The following PPM1H variants were observed in gnomAD, a reference collection of about 807,000 sequenced individuals.
PPM1H encodes protein phosphatase 1H.
In PPM1H, 27 loss-of-function variants were observed where a neutral mutation model predicts 54.9. The observed-to-expected ratio is 0.49, with a 90% CI of 0.36 to 0.68. The LOEUF (loss-of-function observed/expected upper bound fraction) is 0.68. Ranked by LOEUF, PPM1H falls within the 30% of genes least tolerant of loss-of-function variation. The pLI is 0.00. For synonymous variants in PPM1H, 305 were observed against 270.8 expected (o/e 1.13, Z -1.24); for missense variants, 596 against 667.8 (o/e 0.89, Z 1.19).
chr12:62,900,716 A>G (rs1436729778), intron 1 of PPM1H, among the ~76,000 whole-genome samples: 1 of 151,966 alleles, frequency 6.6e-6, no homozygotes, highest in Non-Finnish European at 1.5e-5. Flanking sequence ...CCTAATCCAC[A>G]TACTAATTCC....
At position 62,644,054 on chromosome 12, in the gene PPM1H, T is replaced by G. The variant is rs1224935540; in HGVS notation, c.*4435A>C. On this transcript the variant is annotated 3_prime_UTR_variant, in exon 10 of 10. Transcript: ENST00000228705. ...AATGTCATTGAACATATACATTTCTTTAGCTTTTTCCAGGGGACATTGCAC... is the reference window on the plus strand; with the variant it reads ...AATGTCATTGAACATATACATTTCTGTAGCTTTTTCCAGGGGACATTGCAC... 6.6e-6 allele frequency: 1 copy of G among 152,192 alleles called. No homozygotes were observed. The highest frequency in any genetic ancestry group is 1.5e-5 in the Non-Finnish European group (1 of 68,036). 9.4% of individuals were successfully genotyped at this position (152,192 alleles called of 1,614,324 possible). A position where few individuals can be genotyped will look rare whatever the true frequency, so the allele number is the denominator to read the frequency against.
chr12:62,709,065 A>G (rs1477770420), intron 6 of PPM1H, among the ~76,000 whole-genome samples: 2 of 152,102 alleles, frequency 1.3e-5, no homozygotes, highest in Admixed American at 6.6e-5. Context: ...GCTGACTCCA[A>G]TGTAATTACC....
At chr12:62,689,193 G>A (rs1277381545) in intron 8 of PPM1H, among the ~76,000 whole-genome samples, 1 of 152,212 alleles carries the variant, frequency 6.6e-6, no homozygotes, top group Non-Finnish European at 1.5e-5. Context: ...TTGGAGTTGG[G>A]GAGAAAGGGC....
rs117013221 is a variant in PPM1H, at chr12:62,749,884, T to C, written c.870-12298A>G. ...CTTTCTTCACAACCAGCCCAGTCTGTACTCATACCACCCAGAATAATTTCT... is the reference window on the plus strand; with the variant it reads ...CTTTCTTCACAACCAGCCCAGTCTGCACTCATACCACCCAGAATAATTTCT... On this transcript the variant is annotated intron_variant, in intron 4 of 9. Transcript: ENST00000228705. Among the ~76,000 whole-genome samples the C allele has an allele frequency of 8.5e-3, 1,298 of 152,348 alleles. 8 individuals are homozygous for C. Among genetic ancestry groups the C allele is most frequent in the Non-Finnish European group, 0.014 (976 of 68,032 alleles).
chr12:62,712,291 G>C (rs1260031023), intron 6 of PPM1H, among the ~76,000 whole-genome samples: 2 of 152,236 alleles, frequency 1.3e-5, no homozygotes. Context: ...TACAAGGTCA[G>C]ATTTTCAGAG....
chr12:62,831,705 GT>G (rs1868360222), intron 2 of PPM1H, among the ~76,000 whole-genome samples: 1 of 119,594 alleles, frequency 8.4e-6, no homozygotes, highest in Non-Finnish European at 1.8e-5. Flanking sequence ...CATTGTGTGT[GT>G]ATGTGTGTGT....
At chr12:62,914,808 T>C (rs1204106478) in intron 1 of PPM1H, among the ~76,000 whole-genome samples, 2 of 152,192 alleles carry the variant, frequency 1.3e-5, no homozygotes, top group African/African-American at 2.4e-5. Context: ...AAGCCTCCCA[T>C]GTGCCCACAC....
chr12:62,858,211 T>G (rs892111220), intron 1 of PPM1H, among the ~76,000 whole-genome samples: 5 of 152,082 alleles, frequency 3.3e-5, no homozygotes, highest in African/African-American at 1.2e-4. Flanking sequence ...TCAGGTATCT[T>G]TCTACCCTAT....
chr12:62,857,171 C>T (rs961021428), intron 1 of PPM1H, among the ~76,000 whole-genome samples: 4 of 152,110 alleles, frequency 2.6e-5, no homozygotes, highest in Non-Finnish European at 4.4e-5. Flanking sequence ...TTTACCACAA[C>T]ATCCCTAGCA....
At chr12:62,878,596 T>C (rs1870266672) in intron 1 of PPM1H, among the ~76,000 whole-genome samples, 1 of 131,584 alleles carries the variant, frequency 7.6e-6, no homozygotes, top group South Asian at 2.5e-4. Context: ...GTTGGAGTTC[T>C]AAGATTTTGT....
chr12:62,817,437 G>A (rs2076877223), intron 2 of PPM1H, among the ~76,000 whole-genome samples: 1 of 151,150 alleles, frequency 6.6e-6, no homozygotes, highest in Admixed American at 6.6e-5. Context: ...ACTCCAGTCT[G>A]GACAACAGAG....
chr12:62,797,637 T>C (rs2652026), intron 3 of PPM1H, among the ~76,000 whole-genome samples: 31,615 of 152,004 alleles, frequency 0.21, 4,304 homozygotes, highest in African/African-American at 0.39. Context: ...GGTAAGACAA[T>C]GACTCTCAAA....
chr12:62,804,617 G>T (rs2076793410), intron 2 of PPM1H, among the ~76,000 whole-genome samples: 1 of 150,992 alleles, frequency 6.6e-6, no homozygotes, highest in South Asian at 2.1e-4. Context: ...TTGTCCCATA[G>T]CTCATTAAGG....
chr12:62,670,063 T>C (rs370297896), intron 8 of PPM1H, among the ~76,000 whole-genome samples: 197 of 127,656 alleles, frequency 1.5e-3, no homozygotes, highest in East Asian at 4.2e-3. Context: ...CTGCAACCTC[T>C]GCCTCCCAGG....
rs558830887 is a variant in PPM1H at position 62,863,892 on chromosome 12, A to C, written c.246-31613T>G. Among the ~76,000 whole-genome samples the C allele has an allele frequency of 3.9e-5, 6 of 152,306 alleles. No individual in the cohort carries two copies. In the South Asian group the frequency reaches 6.2e-4, roughly 16 times the overall value. ...ATTCCCAATGCTTTTTCCATTATCG[A>C]GGCTCTTGATAAAAACTGGCAAAGC... is the stretch of plus-strand genomic sequence containing the variant. On this transcript the variant is annotated intron_variant, in intron 1 of 9. Coordinates refer to ENST00000228705, the MANE Select transcript of PPM1H (RefSeq NM_020700.2).
At chr12:62,842,920 C>T (rs193184865) in intron 1 of PPM1H, among the ~76,000 whole-genome samples, 289 of 152,302 alleles carry the variant, frequency 1.9e-3, no homozygotes, top group Non-Finnish European at 3.1e-3. Context: ...CTACTTTTGG[C>T]AAGTTATTTC....
intron 4 of PPM1H, among the ~76,000 whole-genome samples, chr12:62,761,374 T>A (rs760766920): frequency 7.9e-5 from 12 of 152,202 alleles, no homozygotes; most frequent in Non-Finnish European, 1.8e-4. Context: ...GGATTATGTA[T>A]GAAAAAAGGC....
intron 4 of PPM1H, among the ~76,000 whole-genome samples, chr12:62,773,204 G>A (rs1277038125): frequency 1.3e-5 from 2 of 152,052 alleles, no homozygotes; most frequent in African/African-American, 2.4e-5. Context: ...CCTGGGTGCC[G>A]TGGCTTAGGC....
At chr12:62,706,237 C>G (rs1291778446) in intron 6 of PPM1H, among the ~76,000 whole-genome samples, 1 of 152,212 alleles carries the variant, frequency 6.6e-6, no homozygotes, top group Non-Finnish European at 1.5e-5. Flanking sequence ...CTACCTCACT[C>G]CCAAAATTTT....
Sources: allele counts gnomAD v4.1 joint callset (sites outside exome capture counted in the v4.1 genomes callset), GRCh38; gene constraint gnomAD v4.1.1; transcripts MANE v1.5; gene names NCBI Gene and HGNC (gene_info 2026-07-23, HGNC 2026-07-21).